Variants in SPON1 observed in about 807,000 individuals in gnomAD.
The protein encoded by SPON1 is spondin-1.
SPON1 carries 52 observed loss-of-function variants against 111.7 expected under a neutral mutation model. The ratio of observed to expected loss-of-function variants is 0.47; its 90% CI spans 0.37 to 0.59. The LOEUF (loss-of-function observed/expected upper bound fraction) is 0.59, where lower values mean the gene tolerates loss of function less well. Among genes scored for constraint, SPON1 ranks in the 20% least tolerant of loss-of-function variants. The pLI, the probability that SPON1 is intolerant of heterozygous loss-of-function variation, is 0.00. For missense variants in SPON1, 957 were observed against 1,068.5 expected, an observed-to-expected ratio of 0.90 and a Z score of 1.46; for synonymous variants, 410 against 395.8, an observed-to-expected ratio of 1.04 and a Z score of -0.43.
intron 6 of SPON1, among the ~76,000 whole-genome samples, chr11:14,175,502 C>T (rs1426350543): frequency 6.6e-6 from 1 of 152,096 alleles, no homozygotes; most frequent in Non-Finnish European, 1.5e-5. Flanking sequence ...CTGTGATACC[C>T]CTGTCTCCAT....
Position 14,251,297 on chromosome 11 carries a change from T to G in SPON1, c.891-3231T>G, listed in dbSNP as rs1190735715. On this transcript the variant is annotated intron_variant, in intron 7 of 15. Transcript: ENST00000576479. ...AAGATAAGTCAGCCATGTGACCTCA[T>G]AGTCAGGAATTGGCCGCCCCACGTT... Among the ~76,000 whole-genome samples, 10 of 152,314 alleles carry G rather than the reference T, an allele frequency of 6.6e-5. No individual in the cohort carries two copies. In the East Asian group the frequency reaches 1.9e-3, roughly 29 times the overall value.
intron 6 of SPON1, among the ~76,000 whole-genome samples, chr11:14,216,653 T>C: frequency 6.6e-6 from 1 of 152,088 alleles, no homozygotes; most frequent in East Asian, 1.9e-4. Context: ...ACATGAAACA[T>C]AGAGGCACCA....
Position 14,063,023 on chromosome 11 carries a change from C to T in SPON1, c.480-12322C>T, listed in dbSNP as rs117416703. Among the ~76,000 whole-genome samples the T allele has an allele frequency of 3.7e-3, 565 of 151,902 alleles. 2 individuals are homozygous for T. The highest frequency in any genetic ancestry group is 5.5e-3 in the Non-Finnish European group (376 of 67,950). On this transcript the variant is annotated intron_variant, in intron 3 of 15. Coordinates refer to ENST00000576479, the MANE Select transcript of SPON1 (RefSeq NM_006108.4). Reference sequence around the variant, plus strand: ...CTTCCCTCTTTTTTTCCTCTCTTCTCGGTGATTTCTACCTATCCTACTTTG... The same window carrying T: ...CTTCCCTCTTTTTTTCCTCTCTTCTTGGTGATTTCTACCTATCCTACTTTG...
At chr11:14,251,092 A>G (rs1849048312) in intron 7 of SPON1, among the ~76,000 whole-genome samples, 1 of 152,204 alleles carries the variant, frequency 6.6e-6, no homozygotes, top group African/African-American at 2.4e-5. Flanking sequence ...ATGGGGAGGT[A>G]GAATAGGAGT....
intron 5 of SPON1, among the ~76,000 whole-genome samples, chr11:14,096,463 C>T (rs1191494048): frequency 7.9e-5 from 12 of 152,220 alleles, no homozygotes; most frequent in Admixed American, 7.2e-4. Flanking sequence ...CGAGGGATCT[C>T]ATCAAGTGGC....
intron 5 of SPON1, among the ~76,000 whole-genome samples, chr11:14,092,356 G>C (rs1288615273): frequency 6.6e-6 from 1 of 152,166 alleles, no homozygotes; most frequent in Non-Finnish European, 1.5e-5. Flanking sequence ...AAAGGGTCTT[G>C]GGGTTCCAAG....
chr11:14,056,413 A>C (rs1048479887), intron 3 of SPON1, among the ~76,000 whole-genome samples: 1 of 152,222 alleles, frequency 6.6e-6, no homozygotes, highest in Non-Finnish European at 1.5e-5. Flanking sequence ...CTTAGGACAA[A>C]AACTGTACAT....
intron 5 of SPON1, among the ~76,000 whole-genome samples, chr11:14,091,264 A>C (rs1554923298): frequency 6.6e-6 from 1 of 152,212 alleles, no homozygotes; most frequent in East Asian, 1.9e-4. Flanking sequence ...AGCTGACTTC[A>C]CCTAGTGGAT....
At chr11:13,981,128 G>A (rs1219369874) in intron 1 of SPON1, among the ~76,000 whole-genome samples, 5 of 152,114 alleles carry the variant, frequency 3.3e-5, no homozygotes, top group South Asian at 4.2e-4. Flanking sequence ...AGGTTCTGGG[G>A]ATAAAAAGAG....
chr11:13,974,729 C>T (rs977194454), intron 1 of SPON1, among the ~76,000 whole-genome samples: 9 of 152,156 alleles, frequency 5.9e-5, no homozygotes, highest in Admixed American at 2.0e-4. Flanking sequence ...TCTTCCTAAA[C>T]CATAAATCTG....
intron 2 of SPON1, among the ~76,000 whole-genome samples, chr11:13,987,862 A>C (rs1310238092): frequency 6.6e-6 from 1 of 152,190 alleles, no homozygotes; most frequent in African/African-American, 2.4e-5. Context: ...AGATGGTTGT[A>C]GTTGTGTGGT....
intron 6 of SPON1, among the ~76,000 whole-genome samples, chr11:14,173,606 T>A (rs575925032): frequency 6.6e-6 from 1 of 152,280 alleles, no homozygotes; most frequent in East Asian, 1.9e-4. Context: ...GCTCTGTTTT[T>A]CCCCCATCTT....
chr11:14,139,164 C>G (rs1554928498), intron 6 of SPON1, among the ~76,000 whole-genome samples: 1 of 152,194 alleles, frequency 6.6e-6, no homozygotes, highest in Non-Finnish European at 1.5e-5. Flanking sequence ...TTTCTTGCTG[C>G]AAATCTAAGT....
chr11:14,137,558 G>A (rs1329858449), intron 6 of SPON1, among the ~76,000 whole-genome samples: 2 of 152,108 alleles, frequency 1.3e-5, no homozygotes, highest in Non-Finnish European at 2.9e-5. Flanking sequence ...TTACAGATAA[G>A]GAAACCAAGG....
intron 5 of SPON1, among the ~76,000 whole-genome samples, chr11:14,104,806 T>C: frequency 6.6e-6 from 1 of 152,110 alleles, no homozygotes; most frequent in Non-Finnish European, 1.5e-5. Context: ...TGCTGGTCCA[T>C]TAGTGGGTGA....
chr11:14,193,448 A>G (rs1015521584), intron 6 of SPON1, among the ~76,000 whole-genome samples: 2 of 152,186 alleles, frequency 1.3e-5, no homozygotes, highest in African/African-American at 2.4e-5. Context: ...GTATGCACAC[A>G]TATATATAAA....
chr11:14,107,493 C>T (rs1402656218), intron 5 of SPON1, among the ~76,000 whole-genome samples: 7 of 149,970 alleles, frequency 4.7e-5, no homozygotes, highest in Non-Finnish European at 1.0e-4. Context: ...TTTTGGTAAA[C>T]ATTTCTTGCA....
chr11:14,206,706 A>G (rs1381570570), intron 6 of SPON1, among the ~76,000 whole-genome samples: 5 of 152,232 alleles, frequency 3.3e-5, no homozygotes, highest in African/African-American at 7.2e-5. Context: ...AAGGATAACT[A>G]CAAAATACTA....
intron 2 of SPON1, among the ~76,000 whole-genome samples, chr11:13,992,961 A>G (rs1003659054): frequency 5.3e-5 from 8 of 151,998 alleles, no homozygotes; most frequent in East Asian, 1.9e-4. Flanking sequence ...TTCTGTATCA[A>G]TCTCACTGGG....
Sources: allele counts gnomAD v4.1 joint callset (sites outside exome capture counted in the v4.1 genomes callset), GRCh38; gene constraint gnomAD v4.1.1; transcripts MANE v1.5; gene names NCBI Gene and HGNC (gene_info 2026-07-23, HGNC 2026-07-21).